SOX5: variants seen among roughly 807,000 people sequenced by gnomAD.
SOX5 encodes the protein SRY-box transcription factor 5.
In SOX5, 9 loss-of-function variants were observed where a neutral mutation model predicts 92.0. The observed-to-expected ratio is 0.10, with a 90% confidence interval of 0.06 to 0.17. The LOEUF (loss-of-function observed/expected upper bound fraction) is 0.17, where lower values mean the gene tolerates loss of function less well. SOX5 is among the 10% of genes least tolerant of loss of function. The pLI is 1.00. For synonymous variants in SOX5, 344 were observed against 336.3 expected (o/e 1.02, Z -0.25); for missense variants, 642 against 944.5 (o/e 0.68, Z 4.20).
chr12:23,995,513 T>C (rs1950946692), intron 4 of SOX5, among the ~76,000 whole-genome samples: 1 of 152,052 alleles, frequency 6.6e-6, no homozygotes, highest in African/African-American at 2.4e-5. Flanking sequence ...CTGGACAACA[T>C]AGTGAGACTC....
At chr12:23,920,813 C>A (rs1937998244) in intron 1 of SOX5, among the ~76,000 whole-genome samples, 1 of 151,838 alleles carries the variant, frequency 6.6e-6, no homozygotes, top group African/African-American at 2.4e-5. Flanking sequence ...TATATGTATG[C>A]AAAATAGCAT....
chr12:23,805,142 T>C (rs950054860), intron 3 of SOX5, among the ~76,000 whole-genome samples: 3 of 151,466 alleles, frequency 2.0e-5, no homozygotes, highest in Non-Finnish European at 2.9e-5. Context: ...TCATATTAAC[T>C]GTGCTCATCA....
chr12:24,420,195 T>C (rs776576223), intron 1 of SOX5, among the ~76,000 whole-genome samples: 9 of 152,196 alleles, frequency 5.9e-5, no homozygotes, highest in Non-Finnish European at 8.8e-5. Flanking sequence ...TTTAAGCACA[T>C]ACAATAGCTC....
chr12:23,904,247 C>T (rs1483485164), intron 1 of SOX5, among the ~76,000 whole-genome samples: 1 of 152,058 alleles, frequency 6.6e-6, no homozygotes, highest in Non-Finnish European at 1.5e-5. Context: ...TTTTTCTTCT[C>T]TTTTCTCTAA....
chr12:23,582,227 C>T (rs1254383559), intron 9 of SOX5: 2 of 984,790 alleles, frequency 2.0e-6, no homozygotes, highest in Non-Finnish European at 2.4e-6. Context: ...ACTGTGGGAG[C>T]CCTCTTTCAC....
chr12:24,165,144 T>C (rs1225910675), intron 4 of SOX5, among the ~76,000 whole-genome samples: 1 of 152,118 alleles, frequency 6.6e-6, no homozygotes, highest in African/African-American at 2.4e-5. Flanking sequence ...TAGTTAACAT[T>C]TGCCTTATTT....
rs763187337 is a variant in SOX5, at chr12:23,895,970, G to A, written c.93C>T (p.Ala31=). The part of the protein sequence containing the change: ...SPYGEADGEV[A]MVTSRQKVEE... ...CCACTTTCTGTCTGCTTGTCACCAT[G>A]GCTACCTCTCCATCTGCTTCCCCAT... The change falls in exon 2 of 15, where the codon GCC becomes GCT. Residue 31 remains alanine (A), a synonymous_variant. Coordinates refer to ENST00000451604, the MANE Select transcript of SOX5 (RefSeq NM_006940.6). The A allele has an allele frequency of 3.1e-6, 5 of 1,614,084 alleles. No individual in the cohort carries two copies. Among genetic ancestry groups the A allele is most frequent in the South Asian group, 2.2e-5 (2 of 91,078 alleles).
At chr12:24,363,463 G>T (rs773043039) in intron 2 of SOX5, among the ~76,000 whole-genome samples, 13 of 152,274 alleles carry the variant, frequency 8.5e-5, no homozygotes, top group Non-Finnish European at 1.2e-4. Context: ...AGTAGAAAGA[G>T]CAGGTTGAAA....
chr12:23,633,271 A>G (rs2138483807), intron 8 of SOX5, among the ~76,000 whole-genome samples: 1 of 152,218 alleles, frequency 6.6e-6, no homozygotes, highest in Middle Eastern at 3.4e-3. Context: ...TTACTATTAA[A>G]AATATTCATG....
intron 1 of SOX5, among the ~76,000 whole-genome samples, chr12:23,910,354 G>A (rs557712376): frequency 2.8e-4 from 43 of 152,286 alleles, no homozygotes; most frequent in Non-Finnish European, 5.4e-4. Flanking sequence ...TTGAAGGAAA[G>A]TTAGGCTAAG....
chr12:23,825,300 C>T (rs936282071), intron 3 of SOX5, among the ~76,000 whole-genome samples: 1 of 152,162 alleles, frequency 6.6e-6, no homozygotes, highest in Non-Finnish European at 1.5e-5. Context: ...TAGCACTGTC[C>T]CTCACGGCTT....
At chr12:24,267,208 G>A (rs554385534) in intron 3 of SOX5, among the ~76,000 whole-genome samples, 7 of 152,020 alleles carry the variant, frequency 4.6e-5, no homozygotes, top group East Asian at 1.9e-4. Context: ...CCTGGGCAAC[G>A]GAGCAAGACC....
chr12:24,125,525 C>A (rs1004328294), intron 4 of SOX5, among the ~76,000 whole-genome samples: 1 of 152,156 alleles, frequency 6.6e-6, no homozygotes, highest in African/African-American at 2.4e-5. Context: ...TTACAGGTAC[C>A]ATTTTGCCCC....
At chr12:23,979,698 G>GTTTTTTTTT (rs67253622) in intron 4 of SOX5, among the ~76,000 whole-genome samples, 829 of 64,698 alleles carry the variant, frequency 0.013, 295 homozygotes, top group Middle Eastern at 0.027. Context: ...ATATATATAT[G>GTTTTTTTTT]TTTTTTTTGT....
chr12:23,738,675 T>C (rs1355461124), intron 5 of SOX5, among the ~76,000 whole-genome samples: 3 of 152,180 alleles, frequency 2.0e-5, no homozygotes, highest in Non-Finnish European at 4.4e-5. Flanking sequence ...CATCAGTCAT[T>C]GCTTAGATCT....
At chr12:24,110,825 C>G (rs967749032) in intron 4 of SOX5, among the ~76,000 whole-genome samples, 2 of 140,930 alleles carry the variant, frequency 1.4e-5, no homozygotes, top group African/African-American at 5.3e-5. Flanking sequence ...GGCGTGAACC[C>G]AGGAGGCGGA....
In SOX5 at chr12:23,605,510, T is replaced by A. The variant is rs536869694; in HGVS notation, c.1018-977A>T. On this transcript the variant is annotated intron_variant, in intron 8 of 14. Transcript: ENST00000451604. ...TAAATTTTACACACACACACACACATCCCAGTTTCTTATTTCTCATTTGTC... is the reference window on the plus strand; with the variant it reads ...TAAATTTTACACACACACACACACAACCCAGTTTCTTATTTCTCATTTGTC... 2.0e-5 allele frequency among the ~76,000 whole-genome samples: 3 copies of A among 149,840 alleles called. No homozygotes were observed. The South Asian group carries it at 6.3e-4, about 31-fold the overall frequency.
At chr12:24,551,662 G>T (rs1953187200) in intron 1 of SOX5, among the ~76,000 whole-genome samples, 1 of 152,118 alleles carries the variant, frequency 6.6e-6, no homozygotes, top group African/African-American at 2.4e-5. Flanking sequence ...AGACACAGAG[G>T]ACTCATGTTT....
chr12:24,119,852 C>T (rs1948437424), intron 4 of SOX5, among the ~76,000 whole-genome samples: 1 of 152,130 alleles, frequency 6.6e-6, no homozygotes, highest in Non-Finnish European at 1.5e-5. Flanking sequence ...AGGGTAACAA[C>T]TATCCTTAAT....
Sources: gnomAD v4.1 joint callset for allele counts (sites outside exome capture counted in the v4.1 genomes callset) on GRCh38, gnomAD v4.1.1 for gene constraint, MANE v1.5 for transcripts, NCBI Gene and HGNC (gene_info 2026-07-23, HGNC 2026-07-21) for gene names.